The following NAPA variants were observed in gnomAD, a reference collection of about 807,000 sequenced individuals.
The protein encoded by NAPA is NSF attachment protein alpha.
Under a neutral mutation model 48.0 loss-of-function variants are expected in NAPA, and 18 were observed. The ratio of observed to expected loss-of-function variants is 0.38; its 90% confidence interval spans 0.26 to 0.56. NAPA has a LOEUF of 0.56. Ranked by LOEUF, NAPA falls within the 20% of genes least tolerant of loss-of-function variation. NAPA has a pLI of 0.77. For missense variants in NAPA, 315 were observed against 385.0 expected, an observed-to-expected ratio of 0.82 and a Z score of 1.52; for synonymous variants, 152 against 149.9, an observed-to-expected ratio of 1.01 and a Z score of -0.10.
At chr19:47,488,936 C>A (rs1968165253) in intron 10 of NAPA, 1 of 150,924 alleles carries the variant, frequency 6.6e-6, no homozygotes, top group Admixed American at 6.6e-5. Flanking sequence ...AAAAAAAGTC[C>A]AGCATCCTCA....
At chr19:47,495,274 A>G in intron 4 of NAPA, 1 of 504,766 alleles carries the variant, frequency 2.0e-6, no homozygotes, top group South Asian at 2.8e-5. Context: ...GATTACAGGC[A>G]TGAGCCACCC....
Position 47,488,069 on chromosome 19 carries a change from G to A in NAPA, c.*219C>T. The A allele has an allele frequency of 5.9e-6, 3 of 505,296 alleles. No homozygotes were observed. The highest frequency in any genetic ancestry group is 1.1e-5 in the Non-Finnish European group (3 of 277,374). 31.3% of individuals were successfully genotyped at this position (505,296 alleles called of 1,614,324 possible). ...GGCACCTATGGGGGCTTAAATAAATGGACAGGGGGCAAGGGATGTAGCGAG... is the reference window on the plus strand; with the variant it reads ...GGCACCTATGGGGGCTTAAATAAATAGACAGGGGGCAAGGGATGTAGCGAG... On this transcript the variant is annotated 3_prime_UTR_variant, in exon 11 of 11. Transcript: ENST00000263354.
intron 7 of NAPA, chr19:47,492,518 T>C: frequency 5.3e-6 from 2 of 378,152 alleles, no homozygotes; most frequent in Non-Finnish European, 1.0e-5. Context: ...GCTGCCTGCC[T>C]TTTTCTCGGC....
rs767566011 is a variant in NAPA at position 47,493,141 on chromosome 19, A to G, written c.454T>C (p.Tyr152His). 6 of 1,609,262 alleles carry G rather than the reference A, an allele frequency of 3.7e-6. No homozygotes were observed. Among genetic ancestry groups the G allele is most frequent in the East Asian group, 4.5e-5 (2 of 44,800 alleles). ...IAHYEQSADY[Y>H]KGEESNSSAN... ...TACCTGTTGGACTCCTCGCCTTTGTAGTAGTCTGCAGACTGCTCGTAGTGG... is the reference window on the plus strand; with the variant it reads ...TACCTGTTGGACTCCTCGCCTTTGTGGTAGTCTGCAGACTGCTCGTAGTGG... Residue 152 changes from tyrosine to histidine, a missense_variant, in exon 6 of 11, where the codon TAC (tyrosine) becomes CAC (histidine). This residue lies in a region of NAPA where 173 missense variants were observed against 213.5 expected (regional missense o/e 0.81). Coordinates refer to ENST00000263354, the MANE Select transcript of NAPA (RefSeq NM_003827.4). This position sits in a 1 kb window ranked among gnomAD's most constrained non-coding sequence, Gnocchi z 6.4.
At chr19:47,502,329 G>A (rs532073986) in intron 2 of NAPA, among the ~76,000 whole-genome samples, 3 of 151,786 alleles carry the variant, frequency 2.0e-5, no homozygotes, top group African/African-American at 7.3e-5. Flanking sequence ...TGAAGAGTTT[G>A]GGGGCAGAGG....
chr19:47,504,094 A>G (rs1039116753), intron 1 of NAPA, among the ~76,000 whole-genome samples: 6 of 152,112 alleles, frequency 3.9e-5, no homozygotes, highest in African/African-American at 1.4e-4. Context: ...TTGTGTTTAA[A>G]AAAAAAAGAG....
Position 47,503,521 on chromosome 19 carries a change from A to G in NAPA, c.99-19T>C, listed in dbSNP as rs1186192620. The stretch of plus-strand genomic sequence containing the variant: ...TGAGCCTCTGGGGAAAAAGGAAAGA[A>G]AAAAAGGAGACAATCTAGTCGGCTA... On this transcript the variant is annotated intron_variant, in intron 1 of 10. Coordinates refer to ENST00000263354, the MANE Select transcript of NAPA (RefSeq NM_003827.4). 2.5e-6 allele frequency: 4 copies of G among 1,609,842 alleles called. No homozygotes were observed. The highest frequency in any genetic ancestry group is 3.4e-6 in the Non-Finnish European group (4 of 1,175,962).
intron 1 of NAPA, 108 bp from the exon 2 acceptor site, chr19:47,503,610 T>TC (rs2122765459): frequency 9.5e-7 from 1 of 1,052,078 alleles, no homozygotes; most frequent in African/African-American, 1.6e-5. Context: ...CCCTCACCCT[T>TC]CACCTGTGAA....
chr19:47,492,357 G>A, intron 7 of NAPA: 1 of 523,280 alleles, frequency 1.9e-6, no homozygotes, highest in South Asian at 2.2e-5. Context: ...GCTGTAGCCA[G>A]GTGTTCGTGG....
intron 3 of NAPA, chr19:47,496,714 A>G (rs1172198110): frequency 3.1e-6 from 1 of 323,648 alleles, no homozygotes; most frequent in Non-Finnish European, 6.2e-6. Flanking sequence ...CAAGGGGCTC[A>G]CGGTCTGGAT....
chr19:47,513,227 C>T (rs1968838786), intron 1 of NAPA, among the ~76,000 whole-genome samples: 1 of 152,216 alleles, frequency 6.6e-6, no homozygotes, highest in Non-Finnish European at 1.5e-5. Flanking sequence ...TTTCTGTTCC[C>T]TTTCAGCTCC....
At chr19:47,488,899 AG>A (rs1040944686) in intron 10 of NAPA, 1 of 151,490 alleles carries the variant, frequency 6.6e-6, no homozygotes, top group African/African-American at 2.4e-5. Flanking sequence ...CCTGGGCGAC[AG>A]AGCGAGACTC....
chr19:47,486,891 A>T (rs566024877), downstream of NAPA, among the ~76,000 whole-genome samples: 28 of 152,196 alleles, frequency 1.8e-4, no homozygotes, highest in Middle Eastern at 0.014. Context: ...CCAGGAGTCC[A>T]CCCTGGTTTC....
chr19:47,512,924 C>G (rs1178430435), intron 1 of NAPA: 1 of 152,618 alleles, frequency 6.6e-6, no homozygotes, highest in Non-Finnish European at 1.5e-5. Context: ...TTCCCATCCC[C>G]AGGCCCTCCT....
downstream of NAPA, among the ~76,000 whole-genome samples, chr19:47,484,706 ATTTT>A (rs35425298): frequency 3.8e-4 from 49 of 129,144 alleles, no homozygotes; most frequent in African/African-American, 1.4e-3. Context: ...ACAGTTCACT[ATTTT>A]TTTTTTTTTT....
At chr19:47,514,525 G>T (rs562402529) in intron 1 of NAPA, among the ~76,000 whole-genome samples, 1 of 152,224 alleles carries the variant, frequency 6.6e-6, no homozygotes, top group East Asian at 1.9e-4. Flanking sequence ...CCTCGGTCCA[G>T]GTTCTCCCCC....
intron 8 of NAPA, chr19:47,491,089 G>C (rs1968253763): frequency 4.3e-6 from 2 of 464,136 alleles, no homozygotes; most frequent in Non-Finnish European, 7.8e-6. Context: ...GAGGGGGAAG[G>C]TTCCCCAGAT....
intron 1 of NAPA, among the ~76,000 whole-genome samples, chr19:47,511,742 C>T (rs774660142): frequency 2.0e-5 from 3 of 152,220 alleles, no homozygotes; most frequent in Non-Finnish European, 2.9e-5. Flanking sequence ...TCTACCTCCA[C>T]GGGGATTTTG....
chr19:47,485,807 C>T (rs548272282), downstream of NAPA, among the ~76,000 whole-genome samples: 2 of 152,234 alleles, frequency 1.3e-5, no homozygotes, highest in Admixed American at 6.5e-5. Context: ...CTGGGAATGC[C>T]GTCAGTGCTG....
Sources: gnomAD v4.1 joint callset for allele counts (sites outside exome capture counted in the v4.1 genomes callset) on GRCh38, gnomAD v4.1.1 for gene constraint, gnomAD v4.1.1 regional missense constraint, Gnocchi (gnomAD v3.1) non-coding constraint, MANE v1.5 for transcripts, NCBI Gene and HGNC (gene_info 2026-07-23, HGNC 2026-07-21) for gene names.